ZNF385D: variants seen among roughly 807,000 people sequenced by gnomAD.
The protein encoded by ZNF385D is zinc finger protein 659.
A neutral mutation model predicts 35.8 loss-of-function variants in ZNF385D; 15 were observed. The observed-to-expected ratio is 0.42, with a 90% CI of 0.28 to 0.64. The LOEUF is 0.64. ZNF385D is among the 30% of genes least tolerant of loss of function. The pLI, the probability that ZNF385D is intolerant of heterozygous loss-of-function variation, is 0.23. For missense variants in ZNF385D, 474 were observed against 494.6 expected (o/e 0.96, Z 0.39); for synonymous variants, 212 against 186.8 (o/e 1.13, Z -1.10).
chr3:21,785,203 G>C (rs2071640550), intron 3 of ZNF385D, among the ~76,000 whole-genome samples: 1 of 152,072 alleles, frequency 6.6e-6, no homozygotes, highest in South Asian at 2.1e-4. Context: ...ACCCTGGTCG[G>C]TGGTATATCT....
chr3:22,127,317 CTTTTTTTTTTTTTTTTTTTTTTTT>C (rs71044975), intron 3 of ZNF385D, among the ~76,000 whole-genome samples: 14 of 56,330 alleles, frequency 2.5e-4, no homozygotes, highest in African/African-American at 6.3e-4. Flanking sequence ...TCATTTCCTG[CTTTTTTTTTTTTTTTTTTTTTTTT>C]TTTTTTTTTT....
chr3:21,855,403 T>C (rs1696652588), intron 3 of ZNF385D, among the ~76,000 whole-genome samples: 1 of 152,020 alleles, frequency 6.6e-6, no homozygotes, highest in South Asian at 2.1e-4. Context: ...TTGCATCTCT[T>C]CATGGAGATA....
At chr3:21,897,985 G>C (rs114783602) in intron 3 of ZNF385D, among the ~76,000 whole-genome samples, 77 of 152,096 alleles carry the variant, frequency 5.1e-4, no homozygotes, top group Non-Finnish European at 9.4e-4. Context: ...AAAACTTATT[G>C]TTCCTCTTTA....
chr3:21,846,766 G>A lies in ZNF385D; in HGVS notation c.326-181738C>T, dbSNP rs1051536282. ...AGGCTCAAAGAAGTGGCTTTCTAGC[G>A]GCTTAATGGTGCGCCCAGGAGAAGC... On this transcript the variant is annotated intron_variant, in intron 3 of 5. Coordinates refer to the ZNF385D transcript ENST00000494108. Among the ~76,000 whole-genome samples, 6 of 151,948 alleles carry A rather than the reference G, an allele frequency of 3.9e-5. No homozygotes were observed. In the South Asian group the frequency reaches 6.2e-4, roughly 16 times the overall value.
At chr3:22,197,365 T>G (rs1696487945) in intron 2 of ZNF385D, among the ~76,000 whole-genome samples, 2 of 152,056 alleles carry the variant, frequency 1.3e-5, no homozygotes, top group South Asian at 4.1e-4. Context: ...TTTCCTGTAT[T>G]TTTCCATATC....
chr3:22,235,899 G>A (rs1362757161), intron 2 of ZNF385D, among the ~76,000 whole-genome samples: 1 of 152,006 alleles, frequency 6.6e-6, no homozygotes, highest in Non-Finnish European at 1.5e-5. Flanking sequence ...AAAGTAAAAA[G>A]TAAATATTTA....
chr3:22,068,042 A>G (rs1397907686), intron 3 of ZNF385D, among the ~76,000 whole-genome samples: 2 of 152,172 alleles, frequency 1.3e-5, no homozygotes, highest in African/African-American at 2.4e-5. Flanking sequence ...TCTCTGATCA[A>G]TACAGTAGCC....
intron 2 of ZNF385D, among the ~76,000 whole-genome samples, chr3:22,290,571 T>C (rs1702250009): frequency 1.3e-5 from 2 of 152,166 alleles, no homozygotes; most frequent in Non-Finnish European, 2.9e-5. Context: ...CATTGTGCAG[T>C]ATCCTGCCTA....
At chr3:21,788,784 T>G (rs747491332) in intron 3 of ZNF385D, among the ~76,000 whole-genome samples, 2 of 152,132 alleles carry the variant, frequency 1.3e-5, no homozygotes, top group Non-Finnish European at 2.9e-5. Flanking sequence ...AGGGACAACA[T>G]GAAATACGGG....
At chr3:22,145,301 C>G (rs1445202444) in intron 3 of ZNF385D, among the ~76,000 whole-genome samples, 1 of 152,168 alleles carries the variant, frequency 6.6e-6, no homozygotes, top group Non-Finnish European at 1.5e-5. Flanking sequence ...CAACTTAATA[C>G]AATTTGTGAA....
intron 3 of ZNF385D, among the ~76,000 whole-genome samples, chr3:21,851,136 A>G (rs964426115): frequency 1.3e-5 from 2 of 152,016 alleles, no homozygotes; most frequent in African/African-American, 2.4e-5. Context: ...AGACAAATGG[A>G]AAGTACATTA....
rs1703586465 is a variant in ZNF385D, at chr3:22,312,049, G to T, written c.106+60401C>A. On this transcript the variant is annotated intron_variant, in intron 2 of 5. Transcript: ENST00000494108. The stretch of plus-strand genomic sequence containing the variant: ...ATCGACCACCACTTTGGACTGCTGT[G>T]CTGGAAGTCTTCACACTACCTACTC... Among the ~76,000 whole-genome samples the T allele has an allele frequency of 3.9e-5, 6 of 152,196 alleles. No individual in the cohort carries two copies. The South Asian group carries it at 1.2e-3, about 32-fold the overall frequency.
chr3:21,649,519 A>G (rs2065852347), intron 2 of ZNF385D, among the ~76,000 whole-genome samples: 1 of 152,206 alleles, frequency 6.6e-6, no homozygotes, highest in Non-Finnish European at 1.5e-5. Flanking sequence ...ATAATGAAAG[A>G]AAGCCATTTT....
intron 3 of ZNF385D, among the ~76,000 whole-genome samples, chr3:21,813,878 G>A (rs947908631): frequency 9.2e-5 from 14 of 152,052 alleles, no homozygotes; most frequent in Non-Finnish European, 2.1e-4. Flanking sequence ...CTCGAGAAGA[G>A]CAACTCCAAG....
chr3:21,946,031 C>T (rs1007033354), intron 3 of ZNF385D, among the ~76,000 whole-genome samples: 2 of 152,140 alleles, frequency 1.3e-5, no homozygotes, highest in Non-Finnish European at 2.9e-5. Context: ...TGCATATTCA[C>T]ATGGCAAACT....
intron 2 of ZNF385D, among the ~76,000 whole-genome samples, chr3:21,654,464 A>C (rs2066013774): frequency 6.6e-6 from 1 of 152,058 alleles, no homozygotes; most frequent in Non-Finnish European, 1.5e-5. Context: ...GAATTTCAGT[A>C]ACAATGTTCT....
intron 4 of ZNF385D, among the ~76,000 whole-genome samples, chr3:21,482,188 G>A (rs1704675841): frequency 6.6e-6 from 1 of 152,036 alleles, no homozygotes; most frequent in South Asian, 2.1e-4. Context: ...AAAACTCATG[G>A]GCTAGGACAT....
chr3:22,287,797 T>G (rs1368736647), intron 2 of ZNF385D, among the ~76,000 whole-genome samples: 1 of 152,074 alleles, frequency 6.6e-6, no homozygotes, highest in Non-Finnish European at 1.5e-5. Flanking sequence ...ACATTGCCAT[T>G]ATAGTATTAG....
At chr3:21,889,043 A>C (rs972141685) in intron 3 of ZNF385D, among the ~76,000 whole-genome samples, 3 of 152,226 alleles carry the variant, frequency 2.0e-5, no homozygotes, top group Non-Finnish European at 4.4e-5. Flanking sequence ...AGTGCCCTTG[A>C]CATTTATGAG....
Sources: allele counts gnomAD v4.1 joint callset (sites outside exome capture counted in the v4.1 genomes callset), GRCh38; gene constraint gnomAD v4.1.1; transcripts MANE v1.5; gene names NCBI Gene and HGNC (gene_info 2026-07-23, HGNC 2026-07-21).